GPSM1: variants seen among roughly 807,000 people sequenced by gnomAD.
The protein encoded by GPSM1 is G protein-signaling modulator 1.
GPSM1 carries 48 observed loss-of-function variants against 70.5 expected under a neutral mutation model. That is an observed-to-expected ratio of 0.68 (90% CI 0.54 to 0.87). The LOEUF (loss-of-function observed/expected upper bound fraction) is 0.87. Among genes scored for constraint, GPSM1 ranks in the 40% least tolerant of loss-of-function variants. The probability of loss-of-function intolerance (pLI) is 0.00; values close to 1 mark genes in which losing one functional copy is unlikely to be tolerated. For missense variants in GPSM1, 981 were observed against 972.6 expected, an observed-to-expected ratio of 1.01 and a Z score of -0.11; for synonymous variants, 416 against 430.1, an observed-to-expected ratio of 0.97 and a Z score of 0.41.
intron 1 of GPSM1, chr9:136,332,224 T>C: frequency 5.0e-6 from 2 of 398,858 alleles, no homozygotes; most frequent in Admixed American, 4.4e-5. Flanking sequence ...CAGGGCGTGG[T>C]TGGAGGCTGT....
At chr9:136,349,448 C>T (rs1832603107) in intron 10 of GPSM1, 139 bp from the exon 11 acceptor site, 1 of 760,334 alleles carries the variant, frequency 1.3e-6, no homozygotes, top group African/African-American at 1.8e-5. Context: ...CAGCCCCAGT[C>T]CTCTCCTCCT....
rs782001230 is a variant in GPSM1 at position 136,356,774 on chromosome 9, C to A, written c.1821+224C>A. Among the ~76,000 whole-genome samples the A allele has an allele frequency of 6.6e-5, 10 of 152,310 alleles. No individual in the cohort carries two copies. The South Asian group carries it at 1.0e-3, about 16-fold the overall frequency. ...GGGCTGCTGGAGACACCAGAGACCC[C>A]CCCTGGCAACCCCAGGACACTCCCA... On this transcript the variant is annotated intron_variant, in intron 13 of 13. Coordinates refer to ENST00000440944, the MANE Select transcript of GPSM1 (RefSeq NM_001145638.3).
chr9:136,331,423 G>C (rs1832098096), intron 1 of GPSM1, among the ~76,000 whole-genome samples: 1 of 152,042 alleles, frequency 6.6e-6, no homozygotes, highest in African/African-American at 2.4e-5. Context: ...AGGCTGGGGA[G>C]GGGGCCAGGT....
At chr9:136,354,958 G>A in intron 11 of GPSM1, 2 of 1,036,272 alleles carry the variant, frequency 1.9e-6, no homozygotes, top group Middle Eastern at 4.8e-4. Flanking sequence ...GTGACGGACA[G>A]AGGCCTGGAC....
chr9:136,333,488 G>A lies in GPSM1; in HGVS notation c.69-959G>A, dbSNP rs558936488. On this transcript the variant is annotated intron_variant, in intron 1 of 13. Transcript: ENST00000440944. ...CAAGGCCCAGGGTGGGGGTCCCTCG[G>A]TGAGCAGGGCTAGGGTGGCAGCTGA... 1.3e-4 allele frequency among the ~76,000 whole-genome samples: 20 copies of A among 152,094 alleles called. No individual in the cohort carries two copies. The East Asian group carries it at 3.2e-3, about 25-fold the overall frequency.
intron 1 of GPSM1, among the ~76,000 whole-genome samples, chr9:136,331,655 G>A (rs983537416): frequency 1.3e-5 from 2 of 152,210 alleles, no homozygotes; most frequent in African/African-American, 2.4e-5. Flanking sequence ...AGCAGCCCCC[G>A]CTGGGAACTG....
chr9:136,357,994 A>G lies in GPSM1; in HGVS notation c.1822-20A>G. 1 of 1,605,214 alleles carries G rather than the reference A, an allele frequency of 6.2e-7. No homozygotes were observed. The highest frequency in any genetic ancestry group is 8.5e-7 in the Non-Finnish European group (1 of 1,173,230). ...TGGGGCTGGGGGGGTGAGGCCGCCAACTGCACTGTGTCCACCCAGTCCTCC... is the reference window on the plus strand; with the variant it reads ...TGGGGCTGGGGGGGTGAGGCCGCCAGCTGCACTGTGTCCACCCAGTCCTCC... On this transcript the variant is annotated intron_variant, in intron 13 of 13. Coordinates refer to ENST00000440944, the MANE Select transcript of GPSM1 (RefSeq NM_001145638.3).
chr9:136,344,227 A>C, intron 9 of GPSM1, among the ~76,000 whole-genome samples: 1 of 138,658 alleles, frequency 7.2e-6, no homozygotes. Flanking sequence ...GGGCGCGGAC[A>C]GAAGCGGGGT....
At position 136,336,090 on chromosome 9, in the gene GPSM1, C is replaced by T. The variant is rs1363757569; in HGVS notation, c.415C>T (p.Gln139Ter). Reference sequence around the variant, plus strand: ...GCGGCATCTGAGCATCGCCCAAGAGCAGGGAGACAAGGTGGGGGCTTGGTC... The same window carrying T: ...GCGGCATCTGAGCATCGCCCAAGAGTAGGGAGACAAGGTGGGGGCTTGGTC... Reference protein sequence around the residue: ...CQRHLSIAQEQGDKVGEARAL... With the variant: ...CQRHLSIAQE Residue 139 changes from glutamine (Q) to a stop codon, truncating the protein, a stop_gained, in exon 3 of 14, where the codon CAG becomes TAG. Coordinates refer to ENST00000440944, the MANE Select transcript of GPSM1 (RefSeq NM_001145638.3). LOFTEE classifies it high-confidence loss of function. The T allele has an allele frequency of 6.2e-7, 1 of 1,611,236 alleles. No homozygotes were observed. The highest frequency in any genetic ancestry group is 8.5e-7 in the Non-Finnish European group (1 of 1,179,800).
At chr9:136,354,265 T>C (rs533295898) in intron 11 of GPSM1, among the ~76,000 whole-genome samples, 7 of 152,184 alleles carry the variant, frequency 4.6e-5, no homozygotes, top group Admixed American at 2.0e-4. Context: ...AGGTCACACA[T>C]GTCTCTAGGC....
intron 1 of GPSM1, among the ~76,000 whole-genome samples, chr9:136,328,053 G>A (rs1554768145): frequency 6.6e-6 from 1 of 152,122 alleles, no homozygotes; most frequent in African/African-American, 2.4e-5. Context: ...CAGGGGCACC[G>A]TGGGGTGCTT....
At position 136,340,829 on chromosome 9, in the gene GPSM1, C is replaced by T. The variant is rs563569072; in HGVS notation, c.1084-41C>T. 9.5e-5 allele frequency: 146 copies of T among 1,530,756 alleles called. 1 individual carries two copies. The East Asian group carries it at 3.5e-3, about 37-fold the overall frequency. The allele number at this position is 1,530,756 out of a possible 1,614,324, so 94.8% of individuals were successfully genotyped here. ...TCCCCTTGGAGCCCACAGCAGGGCC[C>T]CCAGCCACACCTGCCCGCTCCGCCA... On this transcript the variant is annotated intron_variant, in intron 8 of 13. Coordinates refer to ENST00000440944, the MANE Select transcript of GPSM1 (RefSeq NM_001145638.3). The surrounding 1 kb of genome is among the most constrained non-coding windows in gnomAD (Gnocchi z 7.3).
chr9:136,349,307 T>G (rs1487452474), intron 10 of GPSM1, among the ~76,000 whole-genome samples: 9 of 152,238 alleles, frequency 5.9e-5, no homozygotes, highest in Admixed American at 3.9e-4. Context: ...CCGTCAGGGT[T>G]CTGCTGTGGG....
In GPSM1 at chr9:136,358,210, G is replaced by C; in HGVS notation, c.2018G>C (p.Gly673Ala). The C allele has an allele frequency of 3.9e-6, 6 of 1,549,472 alleles. No individual in the cohort carries two copies. The highest frequency in any genetic ancestry group is 3.5e-6 in the Non-Finnish European group (4 of 1,151,716). Residue 673 changes from glycine to alanine, a missense_variant, in exon 14 of 14, where the codon GGT (glycine) becomes GCT (alanine). Coordinates refer to ENST00000440944, the MANE Select transcript of GPSM1 (RefSeq NM_001145638.3). ...GAGCCCCAGCAGCAGTGCCAGCCTG[G>C]TGCGAGCTAAGGCCCTGTGCCCACC... ...PPEPQQQCQP[G>A]AS
At chr9:136,347,359 G>A (rs896829045) in intron 9 of GPSM1, among the ~76,000 whole-genome samples, 1 of 152,106 alleles carries the variant, frequency 6.6e-6, no homozygotes, top group African/African-American at 2.4e-5. Context: ...GGCACAGCCC[G>A]TGTCCAGTGT....
intron 1 of GPSM1, among the ~76,000 whole-genome samples, chr9:136,333,858 C>A (rs1588690376): frequency 6.6e-6 from 1 of 152,136 alleles, no homozygotes; most frequent in East Asian, 1.9e-4. Flanking sequence ...GCACTGGTCT[C>A]CCCTGGAGAC....
intron 1 of GPSM1, chr9:136,332,307 T>A (rs1554768599): frequency 5.0e-6 from 2 of 397,488 alleles, no homozygotes; most frequent in Non-Finnish European, 8.9e-6. Context: ...GATCCCAGAT[T>A]GGAGGTGCAG....
chr9:136,338,768 C>T (rs1485034363), intron 7 of GPSM1, 58 bp downstream of exon 7: 26 of 1,482,724 alleles, frequency 1.8e-5, no homozygotes, highest in Admixed American at 6.3e-5. Flanking sequence ...TGAATTACCG[C>T]GGCCCAGGCG....
At chr9:136,338,306 T>C (rs1832299403) in intron 6 of GPSM1, among the ~76,000 whole-genome samples, 1 of 152,174 alleles carries the variant, frequency 6.6e-6, no homozygotes. Flanking sequence ...TCTCAGGTCC[T>C]CCGGGGAGGA....
Sources: gnomAD v4.1 joint callset for allele counts (sites outside exome capture counted in the v4.1 genomes callset) on GRCh38, gnomAD v4.1.1 for gene constraint, Gnocchi (gnomAD v3.1) non-coding constraint, MANE v1.5 for transcripts, NCBI Gene and HGNC (gene_info 2026-07-23, HGNC 2026-07-21) for gene names.